CCNL1: variants seen among roughly 807,000 people sequenced by gnomAD.
The protein encoded by CCNL1 is cyclin-L1.
In CCNL1, 13 loss-of-function variants were observed where a neutral mutation model predicts 60.6. The ratio of observed to expected loss-of-function variants is 0.21; its 90% CI spans 0.14 to 0.34. CCNL1 has a LOEUF of 0.34. Ranked by LOEUF, CCNL1 falls within the 10% of genes least tolerant of loss-of-function variation. The pLI is 1.00. For missense variants in CCNL1, 481 were observed against 664.3 expected (o/e 0.72, Z 3.03); for synonymous variants, 270 against 244.3 (o/e 1.10, Z -0.98).
At position 157,148,034 on chromosome 3, in the gene CCNL1, T is replaced by C. The variant is rs1737866467; in HGVS notation, c.*207A>G. The C allele has an allele frequency of 7.5e-7, 1 of 1,333,612 alleles. No homozygotes were observed. The highest frequency in any genetic ancestry group is 9.6e-7 in the Non-Finnish European group (1 of 1,046,614). 82.6% of individuals were successfully genotyped at this position (1,333,612 alleles called of 1,614,324 possible). A position where few individuals can be genotyped will look rare whatever the true frequency, so the allele number is the denominator to read the frequency against. On this transcript the variant is annotated 3_prime_UTR_variant, in exon 11 of 11. Transcript: ENST00000295926. ...TACAATTGAACCTGACCATGGTTTT[T>C]AATTAGATACTGCTAGGGCATTTTA...
chr3:157,158,374 C>T (rs1476542008), intron 3 of CCNL1, among the ~76,000 whole-genome samples: 3 of 152,192 alleles, frequency 2.0e-5, no homozygotes, highest in African/African-American at 2.4e-5. Flanking sequence ...TTCGATTTAT[C>T]GTAGTTCAAT....
At chr3:157,152,932 A>T in intron 4 of CCNL1, 104 bp downstream of exon 4, 1 of 1,532,188 alleles carries the variant, frequency 6.5e-7, no homozygotes. Context: ...AATGCTTTTT[A>T]AAACCAAGGT....
intron 5 of CCNL1, chr3:157,150,732 A>G (rs1738124534): frequency 5.9e-6 from 6 of 1,017,926 alleles, no homozygotes; most frequent in Admixed American, 5.2e-5. Context: ...AACCACTCCA[A>G]TAATACTTCA....
intron 3 of CCNL1, among the ~76,000 whole-genome samples, chr3:157,157,347 C>T (rs1738698088): frequency 6.6e-6 from 1 of 151,808 alleles, no homozygotes; most frequent in Admixed American, 6.6e-5. Flanking sequence ...TTTTAAATTC[C>T]ATGGTTTTTA....
chr3:157,159,777 GGCCGGA>G lies in CCNL1; in HGVS notation c.303+9_303+14del, dbSNP rs1738941709. On this transcript the variant is annotated intron_variant, in intron 1 of 10. Transcript: ENST00000295926. ...GGAGAGGAGCGCCCGGCCGGCCCGGGGCCGGAGCACTGACCTGCGGCAGCCGGAGGA... is the reference window on the plus strand; with the variant it reads ...GGAGAGGAGCGCCCGGCCGGCCCGGGGCACTGACCTGCGGCAGCCGGAGGA... 6.6e-7 allele frequency: 1 copy of G among 1,521,416 alleles called. No homozygotes were observed. The highest frequency in any genetic ancestry group is 1.4e-5 in the African/African-American group (1 of 72,432). 94.2% of individuals were successfully genotyped at this position (1,521,416 alleles called of 1,614,324 possible). A position where few individuals can be genotyped will look rare whatever the true frequency, so the allele number is the denominator to read the frequency against.
chr3:157,152,748 C>T, intron 4 of CCNL1: 1 of 1,170,736 alleles, frequency 8.5e-7, no homozygotes, highest in Non-Finnish European at 1.1e-6. Flanking sequence ...AGGAACTTTA[C>T]ATCTCTGTTT....
chr3:157,154,553 C>A (rs1179987903), intron 3 of CCNL1: 1 of 152,122 alleles, frequency 6.6e-6, no homozygotes, highest in East Asian at 1.9e-4. Flanking sequence ...AAATCTATTT[C>A]AATACATGCA....
intron 2 of CCNL1, 84 bp downstream of exon 2, chr3:157,159,321 T>A: frequency 7.7e-7 from 1 of 1,298,230 alleles, no homozygotes; most frequent in Middle Eastern, 1.8e-4. Context: ...ACTCCCTTTC[T>A]GGAAAAGCTG....
Position 157,148,172 on chromosome 3 carries a change from A to AT in CCNL1, c.*68dup. 2 of 1,529,020 alleles carry AT rather than the reference A, an allele frequency of 1.3e-6. No homozygotes were observed. The highest frequency in any genetic ancestry group is 1.8e-6 in the Non-Finnish European group (2 of 1,141,330). The allele number at this position is 1,529,020 out of a possible 1,614,324, so 94.7% of individuals were successfully genotyped here. A position where few individuals can be genotyped will look rare whatever the true frequency, so the allele number is the denominator to read the frequency against. On this transcript the variant is annotated 3_prime_UTR_variant, in exon 11 of 11. Transcript: ENST00000295926. The stretch of plus-strand genomic sequence containing the variant: ...AATCAGTTTGCGTTTAATGTTTTTG[A>AT]TTGAGTCCATACATCACACTGTAGA...
At chr3:157,158,160 C>T (rs563499250) in intron 3 of CCNL1, among the ~76,000 whole-genome samples, 1 of 152,330 alleles carries the variant, frequency 6.6e-6, no homozygotes, top group East Asian at 1.9e-4. Context: ...TACCACAACA[C>T]CTAGGAGATA....
chr3:157,150,926 A>C, intron 5 of CCNL1: 2 of 982,798 alleles, frequency 2.0e-6, no homozygotes, highest in Non-Finnish European at 2.4e-6. Context: ...AAGAGCAATA[A>C]ACACATATAA....
At position 157,158,959 on chromosome 3, in the gene CCNL1, C is replaced by T. The variant is rs78859989; in HGVS notation, c.395G>A (p.Cys132Tyr). Residue 132 changes from cysteine (C) to tyrosine (Y), a missense_variant, in exon 3 of 11, where the codon TGT (cysteine) becomes TAT (tyrosine). Cys to Tyr is a radical substitution (Grantham distance 194). Coordinates refer to ENST00000295926, the MANE Select transcript of CCNL1 (RefSeq NM_020307.4). ...KHSFEIVAMACINLASKIEEA... is the reference protein window; with the variant it reads ...KHSFEIVAMAYINLASKIEEA... ...TTCGATTTTTGATGCAAGATTAATA[C>T]AAGCCATAGCAACAATCTGAAAGAA... is the stretch of plus-strand genomic sequence containing the variant. 1.2e-6 allele frequency: 2 copies of T among 1,607,952 alleles called. No individual in the cohort carries two copies. Among genetic ancestry groups the T allele is most frequent in the Non-Finnish European group, 1.7e-6 (2 of 1,177,272 alleles).
At chr3:157,155,628 A>G (rs1475911921) in intron 3 of CCNL1, among the ~76,000 whole-genome samples, 1 of 152,198 alleles carries the variant, frequency 6.6e-6, no homozygotes, top group African/African-American at 2.4e-5. Context: ...GTGCACACGT[A>G]ATTTACAACT....
At chr3:157,159,755 G>A (rs1159948663) in intron 1 of CCNL1, 37 bp downstream of exon 1, 2 of 1,489,318 alleles carry the variant, frequency 1.3e-6, no homozygotes, top group East Asian at 2.5e-5. Context: ...GAGGAGAGGA[G>A]AGGAGCGCCC....
rs1437297706 is a variant in CCNL1 at position 157,152,165 on chromosome 3, A to G, written c.674+12T>C. 1 of 1,607,866 alleles carries G rather than the reference A, an allele frequency of 6.2e-7. No homozygotes were observed. Among genetic ancestry groups the G allele is most frequent in the South Asian group, 1.1e-5 (1 of 89,146 alleles). ...TTCCTGGCTAGGAAAGAAATCTAAAAAAGTGACTTACCAGGCAGTTTGAAC... is the reference window on the plus strand; with the variant it reads ...TTCCTGGCTAGGAAAGAAATCTAAAGAAGTGACTTACCAGGCAGTTTGAAC... On this transcript the variant is annotated intron_variant, in intron 5 of 10. Transcript: ENST00000295926.
chr3:157,151,416 A>C, intron 5 of CCNL1: 1 of 985,898 alleles, frequency 1.0e-6, no homozygotes, highest in Non-Finnish European at 1.2e-6. Flanking sequence ...CCAAGTGCTA[A>C]AGCATTTAAG....
chr3:157,147,271 G>T (rs1245415715), downstream of CCNL1, among the ~76,000 whole-genome samples: 1 of 152,106 alleles, frequency 6.6e-6, no homozygotes, highest in Admixed American at 6.5e-5. Flanking sequence ...TAGTAAATGT[G>T]AGTAACTTGA....
intron 5 of CCNL1, chr3:157,150,826 T>C: frequency 2.0e-6 from 2 of 988,120 alleles, no homozygotes; most frequent in Non-Finnish European, 2.4e-6. Flanking sequence ...AAAATACCGT[T>C]AACAGGGGTA....
downstream of CCNL1, among the ~76,000 whole-genome samples, chr3:157,146,115 G>C (rs1348178298): frequency 2.0e-5 from 3 of 152,188 alleles, no homozygotes; most frequent in African/African-American, 7.2e-5. Flanking sequence ...AATAGCAAGG[G>C]TGGGAGGTGG....
Sources: allele counts gnomAD v4.1 joint callset (sites outside exome capture counted in the v4.1 genomes callset), GRCh38; gene constraint gnomAD v4.1.1; transcripts MANE v1.5; gene names NCBI Gene and HGNC (gene_info 2026-07-23, HGNC 2026-07-21).